Variants in ERBB4 observed in about 807,000 individuals in gnomAD.
ERBB4 encodes erb-b2 receptor tyrosine kinase 4, also known as receptor tyrosine-protein kinase erbB-4.
A neutral mutation model predicts 158.0 loss-of-function variants in ERBB4; 42 were observed. The ratio of observed to expected loss-of-function variants is 0.27; its 90% CI spans 0.21 to 0.34. The LOEUF (loss-of-function observed/expected upper bound fraction) is 0.34, where lower values mean the gene tolerates loss of function less well. Among genes scored for constraint, ERBB4 ranks in the 10% least tolerant of loss-of-function variants. The pLI, the probability that ERBB4 is intolerant of heterozygous loss-of-function variation, is 1.00. For missense variants in ERBB4, 1,333 were observed against 1,624.1 expected, an observed-to-expected ratio of 0.82 and a Z score of 3.08; for synonymous variants, 583 against 558.7, an observed-to-expected ratio of 1.04 and a Z score of -0.61.
intron 16 of ERBB4, among the ~76,000 whole-genome samples, chr2:211,632,428 A>T (rs1025868274): frequency 6.6e-6 from 1 of 152,064 alleles, no homozygotes; most frequent in African/African-American, 2.4e-5. Flanking sequence ...CCAATTTTTT[A>T]TCGCAAAATA....
Position 211,378,982 on chromosome 2 carries a change from T to C in ERBB4, c.*4633A>G, listed in dbSNP as rs1158097743. ...CAGTAGAAGTTAATTTATCTGGTTT[T>C]TTTAACAACTAGAAGCTGATGCACA... On this transcript the variant is annotated 3_prime_UTR_variant, in exon 28 of 28. Coordinates refer to ENST00000342788, the MANE Select transcript of ERBB4 (RefSeq NM_005235.3). The C allele has an allele frequency of 4.3e-6, 1 of 231,996 alleles. No individual in the cohort carries two copies. The highest frequency in any genetic ancestry group is 8.5e-6 in the Non-Finnish European group (1 of 117,344). 14.4% of individuals were successfully genotyped at this position (231,996 alleles called of 1,614,324 possible).
intron 1 of ERBB4, among the ~76,000 whole-genome samples, chr2:212,282,992 C>T (rs1432559213): frequency 6.6e-6 from 1 of 151,894 alleles, no homozygotes; most frequent in Non-Finnish European, 1.5e-5. Context: ...CAGATTGGAA[C>T]TCCACCAAGA....
At chr2:211,789,949 T>G (rs1264588629) in intron 3 of ERBB4, among the ~76,000 whole-genome samples, 1 of 152,056 alleles carries the variant, frequency 6.6e-6, no homozygotes, top group Admixed American at 6.6e-5. Context: ...ATTTTCATCA[T>G]CAGTCATTTC....
intron 2 of ERBB4, among the ~76,000 whole-genome samples, chr2:212,019,252 C>A (rs550921111): frequency 1.3e-5 from 2 of 152,200 alleles, no homozygotes; most frequent in South Asian, 2.1e-4. Flanking sequence ...ATGTATGATG[C>A]GCCCTTATTA....
At chr2:212,116,267 T>C (rs188031237) in intron 2 of ERBB4, among the ~76,000 whole-genome samples, 1 of 151,866 alleles carries the variant, frequency 6.6e-6, no homozygotes, top group African/African-American at 2.4e-5. Flanking sequence ...TAAATACTAG[T>C]CTATTTATAT....
intron 1 of ERBB4, among the ~76,000 whole-genome samples, chr2:212,348,586 A>G (rs2089119339): frequency 6.6e-6 from 1 of 152,150 alleles, no homozygotes; most frequent in Non-Finnish European, 1.5e-5. Flanking sequence ...AATGTGAAAA[A>G]ATTATTTCTA....
intron 1 of ERBB4, among the ~76,000 whole-genome samples, chr2:212,420,386 T>TA (rs2091766446): frequency 6.6e-6 from 1 of 152,116 alleles, no homozygotes; most frequent in African/African-American, 2.4e-5. Context: ...TTAGGTCACA[T>TA]ACATTTAAAA....
chr2:211,836,783 A>G (rs2077352872), intron 3 of ERBB4, among the ~76,000 whole-genome samples: 1 of 152,070 alleles, frequency 6.6e-6, no homozygotes, highest in South Asian at 2.1e-4. Flanking sequence ...ATAGCTTGCT[A>G]TATATTATTA....
chr2:211,546,508 C>T (rs2066944768), intron 20 of ERBB4, among the ~76,000 whole-genome samples: 1 of 152,084 alleles, frequency 6.6e-6, no homozygotes, highest in Non-Finnish European at 1.5e-5. Context: ...ACCTAAGTTT[C>T]CTCCCTTGTG....
rs1691769480 is a variant in ERBB4 at position 212,515,431 on chromosome 2, T to C, written c.82+23018A>G. ...TTCAGTGTTAAATTTAAAAAAGATA[T>C]AATAAACTTAGGAAATATAAATGTT... On this transcript the variant is annotated intron_variant, in intron 1 of 27. Coordinates refer to ENST00000342788, the MANE Select transcript of ERBB4 (RefSeq NM_005235.3). Among the ~76,000 whole-genome samples the C allele has an allele frequency of 2.0e-5, 3 of 152,096 alleles. 1 individual carries two copies. Among genetic ancestry groups the C allele is most frequent in the South Asian group, 4.1e-4 (2 of 4,824 alleles).
At chr2:211,949,571 C>T (rs906126138) in intron 2 of ERBB4, among the ~76,000 whole-genome samples, 3 of 152,144 alleles carry the variant, frequency 2.0e-5, no homozygotes, top group Non-Finnish European at 2.9e-5. Context: ...TGTGGCAAAA[C>T]ATTTTCAATT....
chr2:211,643,118 A>G (rs2070659813), intron 16 of ERBB4, among the ~76,000 whole-genome samples: 1 of 152,086 alleles, frequency 6.6e-6, no homozygotes, highest in Non-Finnish European at 1.5e-5. Context: ...CATTACCCCT[A>G]ACACACTAGT....
At chr2:211,622,506 G>T (rs1393615417) in intron 18 of ERBB4, among the ~76,000 whole-genome samples, 2 of 151,968 alleles carry the variant, frequency 1.3e-5, no homozygotes, top group African/African-American at 4.8e-5. Flanking sequence ...GGAGCACTTG[G>T]AGAGAAAAAT....
At chr2:212,453,235 C>T (rs897087353) in intron 1 of ERBB4, among the ~76,000 whole-genome samples, 4 of 152,168 alleles carry the variant, frequency 2.6e-5, no homozygotes, top group East Asian at 1.9e-4. Flanking sequence ...TTACCCCCTC[C>T]GCATATAGAC....
chr2:212,178,198 G>A (rs748145573), intron 1 of ERBB4, among the ~76,000 whole-genome samples: 12 of 151,712 alleles, frequency 7.9e-5, no homozygotes, highest in Non-Finnish European at 1.5e-4. Flanking sequence ...AGTCACTGAA[G>A]GCTGTTAAGT....
chr2:212,336,932 C>T (rs2088471720), intron 1 of ERBB4, among the ~76,000 whole-genome samples: 1 of 152,030 alleles, frequency 6.6e-6, no homozygotes, highest in Non-Finnish European at 1.5e-5. Flanking sequence ...TGCAATACTG[C>T]ACTTCTTATA....
chr2:211,892,859 T>G (rs974829092), intron 3 of ERBB4, among the ~76,000 whole-genome samples: 11 of 142,926 alleles, frequency 7.7e-5, no homozygotes, highest in African/African-American at 2.8e-4. Flanking sequence ...ACAAGGGATG[T>G]GAAGGACCTC....
chr2:211,658,218 T>C (rs1256085173), intron 15 of ERBB4, among the ~76,000 whole-genome samples: 1 of 152,218 alleles, frequency 6.6e-6, no homozygotes, highest in Non-Finnish European at 1.5e-5. Flanking sequence ...AAGGAAATTT[T>C]ACACTGGTTC....
intron 5 of ERBB4, among the ~76,000 whole-genome samples, chr2:211,737,334 A>C (rs1350514144): frequency 6.6e-6 from 1 of 152,130 alleles, no homozygotes; most frequent in Non-Finnish European, 1.5e-5. Flanking sequence ...TTATCCCATC[A>C]ATCCACATTT....
Sources: allele counts gnomAD v4.1 joint callset (sites outside exome capture counted in the v4.1 genomes callset), GRCh38; gene constraint gnomAD v4.1.1; transcripts MANE v1.5; gene names NCBI Gene and HGNC (gene_info 2026-07-23, HGNC 2026-07-21).